The following EFNA4 variants were observed in gnomAD, a reference collection of about 807,000 sequenced individuals.
The protein encoded by EFNA4 is ephrin A4.
A neutral mutation model predicts 23.7 loss-of-function variants in EFNA4; 22 were observed. That is an observed-to-expected ratio of 0.93 (90% CI 0.66 to 1.32). The LOEUF (loss-of-function observed/expected upper bound fraction) is 1.32. Among genes scored for constraint, EFNA4 ranks in the 40% most tolerant of loss-of-function variants. The pLI, the probability that EFNA4 is intolerant of heterozygous loss-of-function variation, is 0.00. For synonymous variants in EFNA4, 113 were observed against 108.3 expected, an observed-to-expected ratio of 1.04 and a Z score of -0.27; for missense variants, 252 against 252.3, an observed-to-expected ratio of 1.00 and a Z score of 0.01.
Position 155,069,244 on chromosome 1 carries a change from T to C in EFNA4, c.*255T>C. 1.3e-6 allele frequency: 2 copies of C among 1,483,076 alleles called. No individual in the cohort carries two copies. Among genetic ancestry groups the C allele is most frequent in the Non-Finnish European group, 1.8e-6 (2 of 1,116,200 alleles). 91.9% of individuals were successfully genotyped at this position (1,483,076 alleles called of 1,614,324 possible). Reference sequence around the variant, plus strand: ...CAAACACAGGCGCTTTGCAGGCTGCTCTGAGGGTCTCAGCCCATCCCCCAG... The same window carrying C: ...CAAACACAGGCGCTTTGCAGGCTGCCCTGAGGGTCTCAGCCCATCCCCCAG... On this transcript the variant is annotated 3_prime_UTR_variant, in exon 4 of 4. Coordinates refer to ENST00000368409, the MANE Select transcript of EFNA4 (RefSeq NM_005227.3).
In EFNA4 at chr1:155,069,359, AAAG is replaced by A. The variant is rs1379195799; in HGVS notation, c.*377_*379del. 11 of 633,524 alleles carry A rather than the reference AAAG, an allele frequency of 1.7e-5. No homozygotes were observed. The East Asian group carries it at 2.2e-4, about 13-fold the overall frequency. 39.2% of individuals were successfully genotyped at this position (633,524 alleles called of 1,614,324 possible). ...GACAGGTCGATTGCTGGACCAGGGC[AAAG>A]AAGAAGCCCTGCCATCTGTGCCCTG... On this transcript the variant is annotated 3_prime_UTR_variant, in exon 4 of 4. Coordinates refer to ENST00000368409, the MANE Select transcript of EFNA4 (RefSeq NM_005227.3).
chr1:155,067,768 C>T (rs528283851), intron 3 of EFNA4, among the ~76,000 whole-genome samples: 1 of 151,604 alleles, frequency 6.6e-6, no homozygotes, highest in South Asian at 2.1e-4. Context: ...ACTACAGGCA[C>T]CCGCCACCAC....
chr1:155,064,036 GGCC>G lies in EFNA4; in HGVS notation c.113+103_113+105del, dbSNP rs1662906486. ...TCTTTGCGCGGCGCCGCCTGAGCCT[GGCC>G]GCGCGCCGGGGCTCCTTTGTTTGAG... is the stretch of plus-strand genomic sequence containing the variant. On this transcript the variant is annotated intron_variant, in intron 1 of 3. Transcript: ENST00000368409. 26 of 1,043,240 alleles carry G rather than the reference GGCC, an allele frequency of 2.5e-5. No homozygotes were observed. In the South Asian group the frequency reaches 4.7e-4, roughly 19 times the overall value. 64.6% of individuals were successfully genotyped at this position (1,043,240 alleles called of 1,614,324 possible).
rs1553267674 is a variant in EFNA4, at chr1:155,068,461, T to TTTTC, written c.470-392_470-391insTTTC. Among the ~76,000 whole-genome samples, 98 of 135,610 alleles carry TTTTC rather than the reference T, an allele frequency of 7.2e-4. 3 individuals carry two copies. The highest frequency in any genetic ancestry group is 1.4e-3 in the Non-Finnish European group (89 of 64,528). The allele number at this position is 135,610 out of a possible 152,430, so 89.0% of individuals were successfully genotyped here. A position where few individuals can be genotyped will look rare whatever the true frequency, so the allele number is the denominator to read the frequency against. Reference sequence around the variant, plus strand: ...TTTTTTTTTTTTTTTTTTTTTTTTTTAGTAGAGACAGGGTTTCACCGTGTT... The same window carrying TTTTC: ...TTTTTTTTTTTTTTTTTTTTTTTTTTTTTCAGTAGAGACAGGGTTTCACCGTGTT... On this transcript the variant is annotated intron_variant, in intron 3 of 3. Coordinates refer to ENST00000368409, the MANE Select transcript of EFNA4 (RefSeq NM_005227.3).
rs147728291 is a variant in EFNA4 at position 155,065,617 on chromosome 1, A to G, written c.114-1113A>G. Among the ~76,000 whole-genome samples the G allele has an allele frequency of 1.1e-3, 161 of 150,870 alleles. 3 individuals carry two copies. The East Asian group carries it at 0.031, about 29-fold the overall frequency. On this transcript the variant is annotated intron_variant, in intron 1 of 3. Coordinates refer to ENST00000368409, the MANE Select transcript of EFNA4 (RefSeq NM_005227.3). ...TAGTGCGGTGGCATAATAGCTCACT[A>G]CAGGAACTTGCGGACTCTAAGGATC...
Position 155,069,418 on chromosome 1 carries a change from C to T in EFNA4, c.*429C>T, listed in dbSNP as rs1663129286. 1 of 492,592 alleles carries T rather than the reference C, an allele frequency of 2.0e-6. No homozygotes were observed. Among genetic ancestry groups the T allele is most frequent in the East Asian group, 3.6e-5 (1 of 27,416 alleles). The allele number at this position is 492,592 out of a possible 1,614,324, so 30.5% of individuals were successfully genotyped here. On this transcript the variant is annotated 3_prime_UTR_variant, in exon 4 of 4. Coordinates refer to ENST00000368409, the MANE Select transcript of EFNA4 (RefSeq NM_005227.3). ...CTTTTCCCTGGGGCAGCACCTTGCC[C>T]TCCCCAGGGGATCACTCACTTGTCT...
chr1:155,068,901 C>A lies in EFNA4; in HGVS notation c.518C>A (p.Ser173Ter). ...PVGSPGESGT[S>*]GWRGGDTPSP... ...GGGAGCCCTGGAGAGAGTGGCACATCAGGGTGGCGAGGGGGGGACACTCCC... is the reference window on the plus strand; with the variant it reads ...GGGAGCCCTGGAGAGAGTGGCACATAAGGGTGGCGAGGGGGGGACACTCCC... Residue 173 changes from serine to a stop codon, truncating the protein, a stop_gained, in exon 4 of 4, where the codon TCA (serine) becomes TAA (stop). Transcript: ENST00000368409. LOFTEE classifies it high-confidence loss of function. The A allele has an allele frequency of 6.2e-7, 1 of 1,614,004 alleles. No homozygotes were observed. The highest frequency in any genetic ancestry group is 8.5e-7 in the Non-Finnish European group (1 of 1,179,984).
chr1:155,067,332 A>G, intron 2 of EFNA4, 40 bp from the exon 3 acceptor site: 1 of 1,609,130 alleles, frequency 6.2e-7, no homozygotes, highest in African/African-American at 1.3e-5. Context: ...CAAAGGGGTG[A>G]CTCCCTGTGC....
intron 1 of EFNA4, 93 bp downstream of exon 1, chr1:155,064,029 T>A: frequency 1.1e-6 from 1 of 916,484 alleles, no homozygotes; most frequent in Non-Finnish European, 1.4e-6. Flanking sequence ...CGGCGCCGCC[T>A]GAGCCTGGCC....
At chr1:155,067,266 T>C (rs1663074666) in intron 2 of EFNA4, 106 bp from the exon 3 acceptor site, 2 of 1,374,226 alleles carry the variant, frequency 1.5e-6, no homozygotes, top group Admixed American at 3.7e-5. Context: ...AGGAAACGCT[T>C]TCCAGGGACC....
Position 155,069,040 on chromosome 1 carries a change from C to T in EFNA4, c.*51C>T. On this transcript the variant is annotated 3_prime_UTR_variant, in exon 4 of 4. Transcript: ENST00000368409. ...CAAGGAGCCAGAGTCCTCCCAAGAT[C>T]CCCTGGAGGAGGAGGGATCCCTGCT... is the stretch of plus-strand genomic sequence containing the variant. 6.2e-7 allele frequency: 1 copy of T among 1,611,930 alleles called. No individual in the cohort carries two copies.
At chr1:155,064,033 C>A in intron 1 of EFNA4, 97 bp downstream of exon 1, 1 of 1,064,374 alleles carries the variant, frequency 9.4e-7, no homozygotes. Context: ...GCCGCCTGAG[C>A]CTGGCCGCGC....
intron 1 of EFNA4, among the ~76,000 whole-genome samples, chr1:155,065,280 G>A (rs1046499641): frequency 1.3e-5 from 2 of 152,170 alleles, no homozygotes; most frequent in African/African-American, 4.8e-5. Flanking sequence ...ACCCACTGGA[G>A]GCTTTTCCTA....
intron 1 of EFNA4, among the ~76,000 whole-genome samples, chr1:155,065,491 A>G (rs988430143): frequency 6.6e-6 from 1 of 151,164 alleles, no homozygotes; most frequent in Admixed American, 6.6e-5. Context: ...CCTCCTGGCC[A>G]AAAAAGGGAG....
chr1:155,064,032 G>C lies in EFNA4; in HGVS notation c.113+96G>C, dbSNP rs1051791610. 1.6e-5 allele frequency: 16 copies of C among 991,628 alleles called. No homozygotes were observed. In the African/African-American group the frequency reaches 2.5e-4, roughly 15 times the overall value. The allele number at this position is 991,628 out of a possible 1,614,324, so 61.4% of individuals were successfully genotyped here. A position where few individuals can be genotyped will look rare whatever the true frequency, so the allele number is the denominator to read the frequency against. ...CCGCTCTTTGCGCGGCGCCGCCTGAGCCTGGCCGCGCGCCGGGGCTCCTTT... is the reference window on the plus strand; with the variant it reads ...CCGCTCTTTGCGCGGCGCCGCCTGACCCTGGCCGCGCGCCGGGGCTCCTTT... On this transcript the variant is annotated intron_variant, in intron 1 of 3. Coordinates refer to ENST00000368409, the MANE Select transcript of EFNA4 (RefSeq NM_005227.3).
chr1:155,063,766 C>T lies in EFNA4; in HGVS notation c.-58C>T. Reference sequence around the variant, plus strand: ...CCTCTTCACTTTGTACCTTTCTCTCCTCGACTGTGAAGCGGGCCGGGACCT... The same window carrying T: ...CCTCTTCACTTTGTACCTTTCTCTCTTCGACTGTGAAGCGGGCCGGGACCT... On this transcript the variant is annotated 5_prime_UTR_variant, in exon 1 of 4. Transcript: ENST00000368409. The surrounding 1 kb of genome is among the most constrained non-coding windows in gnomAD (Gnocchi z 4.1). The T allele has an allele frequency of 7.0e-7, 1 of 1,424,666 alleles. No individual in the cohort carries two copies. Among genetic ancestry groups the T allele is most frequent in the Non-Finnish European group, 9.3e-7 (1 of 1,073,686 alleles). 88.3% of individuals were successfully genotyped at this position (1,424,666 alleles called of 1,614,324 possible). A position where few individuals can be genotyped will look rare whatever the true frequency, so the allele number is the denominator to read the frequency against.
chr1:155,063,899 C>A lies in EFNA4; in HGVS notation c.76C>A (p.Leu26Ile). ...CTCCCCTCTGCGCGGGGGCTCCAGC[C>A]TCCGCCACGTAGTCTACTGGAACTC... ...LGSPLRGGSS[L>I]RHVVYWNSSN... The change falls in exon 1 of 4, where the codon CTC becomes ATC. Residue 26 changes from leucine to isoleucine, a missense_variant. Transcript: ENST00000368409. The surrounding 1 kb of genome is among the most constrained non-coding windows in gnomAD (Gnocchi z 4.1). 6.4e-7 allele frequency: 1 copy of A among 1,568,660 alleles called. No homozygotes were observed. The highest frequency in any genetic ancestry group is 1.2e-5 in the South Asian group (1 of 85,100).
intron 1 of EFNA4, among the ~76,000 whole-genome samples, chr1:155,066,015 C>T (rs1663036332): frequency 6.6e-6 from 1 of 151,948 alleles, no homozygotes; most frequent in East Asian, 1.9e-4. Context: ...GGATTACAAG[C>T]GTGAGCCACC....
chr1:155,068,437 T>TTTTTTTTTTG (rs1663103705), intron 3 of EFNA4, among the ~76,000 whole-genome samples: 1 of 119,562 alleles, frequency 8.4e-6, no homozygotes. Context: ...ATTTTTTTTT[T>TTTTTTTTTTG]TTTTTTTTTT....
Sources: allele counts gnomAD v4.1 joint callset (sites outside exome capture counted in the v4.1 genomes callset), GRCh38; gene constraint gnomAD v4.1.1; non-coding constraint Gnocchi (gnomAD v3.1); transcripts MANE v1.5; gene names NCBI Gene and HGNC (gene_info 2026-07-23, HGNC 2026-07-21).